Variants in PLEKHH2 observed in about 807,000 individuals in gnomAD.
The protein encoded by PLEKHH2 is pleckstrin homology, MyTH4 and FERM domain containing H2.
A neutral mutation model predicts 187.9 loss-of-function variants in PLEKHH2; 129 were observed. The ratio of observed to expected loss-of-function variants is 0.69; its 90% CI spans 0.59 to 0.79. The LOEUF (loss-of-function observed/expected upper bound fraction) is 0.79. Among genes scored for constraint, PLEKHH2 ranks in the 30% least tolerant of loss-of-function variants. The pLI is 0.00. For missense variants in PLEKHH2, 2,076 were observed against 1,751.2 expected, an observed-to-expected ratio of 1.19 and a Z score of -3.31; for synonymous variants, 686 against 605.6, an observed-to-expected ratio of 1.13 and a Z score of -1.95.
At position 43,644,787 on chromosome 2, in the gene PLEKHH2, A is replaced by G. The variant is rs190897793; in HGVS notation, c.114A>G (p.Leu38=). 1.6e-5 allele frequency: 25 copies of G among 1,606,354 alleles called. 1 individual carries two copies. In the Admixed American group the frequency reaches 4.0e-4, roughly 26 times the overall value. ...RVQASKIREL[L]AEKMQQLERQ... is the part of the protein sequence containing the mutation. ...AAGCAAGCAAGATACGAGAGCTTTT[A>G]GCAGAGAAGGTAAGCTTTCTCCCTA... is the stretch of plus-strand genomic sequence containing the variant. The change falls in exon 2 of 30, where the codon TTA becomes TTG. Residue 38 remains leucine (L), a synonymous_variant. Coordinates refer to ENST00000282406, the MANE Select transcript of PLEKHH2 (RefSeq NM_172069.4).
intron 23 of PLEKHH2, among the ~76,000 whole-genome samples, chr2:43,745,482 A>G (rs1445664784): frequency 6.6e-6 from 1 of 152,174 alleles, no homozygotes; most frequent in Admixed American, 6.5e-5. Flanking sequence ...ATTATATGTC[A>G]AATTTCTTTG....
At chr2:43,715,262 G>GA (rs1670159114) in intron 15 of PLEKHH2, among the ~76,000 whole-genome samples, 1 of 150,926 alleles carries the variant, frequency 6.6e-6, no homozygotes, top group African/African-American at 2.4e-5. Context: ...TGCGACAAAT[G>GA]AAACTCCGTC....
At chr2:43,678,576 G>A (rs976654151) in intron 2 of PLEKHH2, among the ~76,000 whole-genome samples, 9 of 152,040 alleles carry the variant, frequency 5.9e-5, no homozygotes, top group African/African-American at 9.7e-5. Flanking sequence ...CAGGCGTGGC[G>A]GCGCGCGCCT....
chr2:43,646,031 T>G (rs79161623), intron 2 of PLEKHH2, among the ~76,000 whole-genome samples: 4,719 of 152,246 alleles, frequency 0.031, 119 homozygotes, highest in East Asian at 0.13. Context: ...ATATATCATC[T>G]CAAACTTTTG....
At position 43,700,584 on chromosome 2, in the gene PLEKHH2, T is replaced by TGAG. The variant is rs1669313477; in HGVS notation, c.1626_1627insGAG (p.Pro542_Pro543insGlu). On this transcript the variant is annotated inframe_insertion, in exon 8 of 30. Coordinates refer to ENST00000282406, the MANE Select transcript of PLEKHH2 (RefSeq NM_172069.4). ...TGGCATACAGCAAACCTCCAACTCCTCCCCTGCACCGTTTTCCTTCTTGGG... is the reference window on the plus strand; with the variant it reads ...TGGCATACAGCAAACCTCCAACTCCTGAGCCCCTGCACCGTTTTCCTTCTTGGG... 7 of 1,610,046 alleles carry TGAG rather than the reference T, an allele frequency of 4.3e-6. No homozygotes were observed. The highest frequency in any genetic ancestry group is 5.9e-6 in the Non-Finnish European group (7 of 1,179,112).
intron 3 of PLEKHH2, chr2:43,681,007 A>G (rs1668148196): frequency 1.6e-6 from 2 of 1,242,546 alleles, no homozygotes; most frequent in African/African-American, 1.5e-5. Flanking sequence ...CAACTGGAAA[A>G]GTCACCTGTT....
intron 3 of PLEKHH2, among the ~76,000 whole-genome samples, chr2:43,686,037 G>A (rs1223560295): frequency 2.0e-5 from 3 of 152,190 alleles, no homozygotes; most frequent in Non-Finnish European, 4.4e-5. Flanking sequence ...CATGGTAGCA[G>A]CTACATTTAA....
At chr2:43,688,695 A>G (rs1303185022) in intron 3 of PLEKHH2, among the ~76,000 whole-genome samples, 1 of 152,210 alleles carries the variant, frequency 6.6e-6, no homozygotes, top group East Asian at 1.9e-4. Context: ...ACCGTTTATT[A>G]CAGTGAAAAG....
At chr2:43,708,799 G>A (rs928426888) in intron 11 of PLEKHH2, among the ~76,000 whole-genome samples, 2 of 152,042 alleles carry the variant, frequency 1.3e-5, no homozygotes, top group African/African-American at 2.4e-5. Context: ...TTTAATCTCT[G>A]GGCCTTAGTC....
At position 43,700,735 on chromosome 2, in the gene PLEKHH2, C is replaced by T. The variant is rs559133256; in HGVS notation, c.1650+127C>T. 2.3e-3 allele frequency: 2,756 copies of T among 1,209,904 alleles called. 5 individuals carry two copies. The highest frequency in any genetic ancestry group is 2.8e-3 in the Non-Finnish European group (2,472 of 870,838). 74.9% of individuals were successfully genotyped at this position (1,209,904 alleles called of 1,614,324 possible). A position where few individuals can be genotyped will look rare whatever the true frequency, so the allele number is the denominator to read the frequency against. On this transcript the variant is annotated intron_variant, in intron 8 of 29. Transcript: ENST00000282406. ...TGGCGCGATCTTGGCTCACTGCAACCTCCATCTCCCGGGTTCAAGTGATTC... is the reference window on the plus strand; with the variant it reads ...TGGCGCGATCTTGGCTCACTGCAACTTCCATCTCCCGGGTTCAAGTGATTC...
Position 43,699,689 on chromosome 2 carries a change from A to C in PLEKHH2, c.731A>C (p.Glu244Ala). 3 of 1,613,860 alleles carry C rather than the reference A, an allele frequency of 1.9e-6. No individual in the cohort carries two copies. Among genetic ancestry groups the C allele is most frequent in the Non-Finnish European group, 2.5e-6 (3 of 1,179,870 alleles). Residue 244 changes from glutamate to alanine, a missense_variant, in exon 8 of 30, where the codon GAA (glutamate) becomes GCA (alanine). Transcript: ENST00000282406. ...AAGTCTGTTGATAACCAAGTTCTAG[A>C]AAACAACAGAGGCCAGAGAACATTG... ...PEKSVDNQVL[E>A]NNRGQRTLHQ...
chr2:43,678,221 C>G (rs150961630), intron 2 of PLEKHH2, among the ~76,000 whole-genome samples: 27,439 of 150,160 alleles, frequency 0.18, 2,500 homozygotes, highest in Middle Eastern at 0.28. Flanking sequence ...TCCTCACTTT[C>G]CAGACTGGGC....
At chr2:43,720,958 A>C (rs1305737798) in intron 16 of PLEKHH2, among the ~76,000 whole-genome samples, 1 of 152,204 alleles carries the variant, frequency 6.6e-6, no homozygotes, top group African/African-American at 2.4e-5. Context: ...AGCCTTAGCA[A>C]CTTTTAATTA....
chr2:43,747,109 C>CCCTCTCTCT (rs1671814983), intron 24 of PLEKHH2, among the ~76,000 whole-genome samples: 3 of 126,188 alleles, frequency 2.4e-5, no homozygotes, highest in Non-Finnish European at 3.4e-5. Context: ...TCTCTCTCTC[C>CCCTCTCTCT]CTCTCTCTCT....
Position 43,752,846 on chromosome 2 carries a change from A to G in PLEKHH2, c.3654-773A>G, listed in dbSNP as rs568879940. ...AGACCCCCCTAGGCAGACAAAAGCC[A>G]TGTTGTGTTTCAGTGAGTAATAGTG... On this transcript the variant is annotated intron_variant, in intron 24 of 29. Coordinates refer to ENST00000282406, the MANE Select transcript of PLEKHH2 (RefSeq NM_172069.4). 5.9e-5 allele frequency among the ~76,000 whole-genome samples: 9 copies of G among 152,350 alleles called. No individual in the cohort carries two copies. In the South Asian group the frequency reaches 1.9e-3, roughly 32 times the overall value.
At chr2:43,760,359 C>CTTTTTT (rs763777313) in intron 27 of PLEKHH2, among the ~76,000 whole-genome samples, 6 of 119,060 alleles carry the variant, frequency 5.0e-5, no homozygotes, top group African/African-American at 1.0e-4. Context: ...ACCCTTTAAC[C>CTTTTTT]TTTTTTTTTT....
chr2:43,703,368 A>G (rs1477497354), intron 8 of PLEKHH2, among the ~76,000 whole-genome samples: 1 of 152,230 alleles, frequency 6.6e-6, no homozygotes, highest in Non-Finnish European at 1.5e-5. Flanking sequence ...ACAAGATAAT[A>G]TAAATTCCAT....
intron 24 of PLEKHH2, among the ~76,000 whole-genome samples, chr2:43,748,426 C>A (rs527365569): frequency 1.2e-4 from 19 of 152,156 alleles, no homozygotes; most frequent in African/African-American, 3.4e-4. Flanking sequence ...AATATTTGGA[C>A]CTTCTAGATT....
chr2:43,642,087 TAA>T (rs1198754958), intron 1 of PLEKHH2, among the ~76,000 whole-genome samples: 2 of 152,232 alleles, frequency 1.3e-5, no homozygotes, highest in African/African-American at 2.4e-5. Flanking sequence ...TTCACAATAT[TAA>T]GTCTTCTAAT....
Sources: gnomAD v4.1 joint callset for allele counts (sites outside exome capture counted in the v4.1 genomes callset) on GRCh38, gnomAD v4.1.1 for gene constraint, MANE v1.5 for transcripts, NCBI Gene and HGNC (gene_info 2026-07-23, HGNC 2026-07-21) for gene names.